Variants in STK35 observed in about 807,000 individuals in gnomAD.
STK35 encodes the protein serine/threonine kinase 35.
In STK35, 17 loss-of-function variants were observed where a neutral mutation model predicts 37.3. The observed-to-expected ratio is 0.46, with a 90% confidence interval of 0.31 to 0.68. The LOEUF is 0.68. STK35 is among the 30% of genes least tolerant of loss of function. The pLI is 0.05. For missense variants in STK35, 595 were observed against 746.7 expected (o/e 0.80, Z 2.37); for synonymous variants, 385 against 319.1 (o/e 1.21, Z -2.20).
chr20:2,136,168 G>A (rs566072313), intron 3 of STK35, among the ~76,000 whole-genome samples: 27 of 152,326 alleles, frequency 1.8e-4, no homozygotes, highest in East Asian at 5.8e-4. Flanking sequence ...ACCCCTCCAC[G>A]TGAAACAGAT....
chr20:2,140,880 A>G (rs1035215746), intron 3 of STK35, among the ~76,000 whole-genome samples: 1 of 152,148 alleles, frequency 6.6e-6, no homozygotes, highest in African/African-American at 2.4e-5. Flanking sequence ...TTATTATGTA[A>G]AAAGGAACCT....
chr20:2,111,554 C>T (rs921249902), intron 2 of STK35, among the ~76,000 whole-genome samples: 4 of 152,122 alleles, frequency 2.6e-5, no homozygotes, highest in East Asian at 3.9e-4. Context: ...AAAGAATAGC[C>T]GGGCGTGGTG....
chr20:2,103,002 GCGGCCGAGGCCC>G lies in STK35; in HGVS notation c.533_544del (p.Ala178_Pro181del), dbSNP rs755569593. 8.5e-6 allele frequency: 12 copies of G among 1,419,866 alleles called. No homozygotes were observed. In the Admixed American group the frequency reaches 9.9e-5, roughly 12 times the overall value. 88.0% of individuals were successfully genotyped at this position (1,419,866 alleles called of 1,614,324 possible). ...GGCGGCCCGGGCCATGGATCCGGTGGCGGCCGAGGCCCCGGGCGAGGCCTTCCTGGCGCGGCG... is the reference window on the plus strand; with the variant it reads ...GGCGGCCCGGGCCATGGATCCGGTGGCGGGCGAGGCCTTCCTGGCGCGGCG... On this transcript the variant is annotated inframe_deletion, in exon 2 of 4. Transcript: ENST00000381482.
chr20:2,120,939 T>A (rs549627382), intron 3 of STK35, among the ~76,000 whole-genome samples: 2 of 152,062 alleles, frequency 1.3e-5, no homozygotes, highest in African/African-American at 2.4e-5. Flanking sequence ...ATGGAAGATA[T>A]CAGAGTGGGT....
At chr20:2,139,980 G>GACTA (rs1188867868) in intron 3 of STK35, among the ~76,000 whole-genome samples, 3 of 152,232 alleles carry the variant, frequency 2.0e-5, no homozygotes, top group African/African-American at 7.2e-5. Context: ...ACTGATTGAA[G>GACTA]ACTATCATAG....
At chr20:2,111,999 A>G (rs1985628287) in intron 2 of STK35, among the ~76,000 whole-genome samples, 1 of 152,178 alleles carries the variant, frequency 6.6e-6, no homozygotes, top group African/African-American at 2.4e-5. Context: ...TCACAGCTGT[A>G]GTCATTCTGC....
intron 2 of STK35, among the ~76,000 whole-genome samples, chr20:2,108,260 A>G (rs1985553639): frequency 6.6e-6 from 1 of 152,180 alleles, no homozygotes; most frequent in Non-Finnish European, 1.5e-5. Context: ...TGTAATCCCA[A>G]CACTTTGGGA....
chr20:2,103,907 T>C (rs1488977197), intron 2 of STK35, among the ~76,000 whole-genome samples: 1 of 152,144 alleles, frequency 6.6e-6, no homozygotes, highest in East Asian at 1.9e-4. Flanking sequence ...CGGCCCTTCA[T>C]CCCAGGCAGC....
chr20:2,120,219 A>T (rs1202084823), intron 3 of STK35, among the ~76,000 whole-genome samples: 2 of 152,220 alleles, frequency 1.3e-5, no homozygotes, highest in African/African-American at 4.8e-5. Context: ...GGTTGTCATA[A>T]CTAATTGAGA....
At chr20:2,132,585 A>G (rs1986018882) in intron 3 of STK35, among the ~76,000 whole-genome samples, 1 of 152,190 alleles carries the variant, frequency 6.6e-6, no homozygotes, top group South Asian at 2.1e-4. Flanking sequence ...ATGAGGGGAG[A>G]ACTGTCAGTC....
At chr20:2,106,224 A>G (rs753242659) in intron 2 of STK35, among the ~76,000 whole-genome samples, 3 of 152,166 alleles carry the variant, frequency 2.0e-5, no homozygotes, top group Non-Finnish European at 4.4e-5. Flanking sequence ...ACAGCATGCA[A>G]ATACCACCCA....
At chr20:2,113,576 T>G (rs1985660003) in intron 2 of STK35, among the ~76,000 whole-genome samples, 1 of 152,200 alleles carries the variant, frequency 6.6e-6, no homozygotes, top group Admixed American at 6.5e-5. Flanking sequence ...CTAAGAAGTG[T>G]GATGTCTTAG....
chr20:2,119,938 T>C (rs973982552), intron 3 of STK35, among the ~76,000 whole-genome samples: 2 of 152,244 alleles, frequency 1.3e-5, no homozygotes, highest in Non-Finnish European at 2.9e-5. Flanking sequence ...TTTAATTCTT[T>C]CATTCTACAA....
chr20:2,116,960 AAG>A lies in STK35; in HGVS notation c.1190_1191del (p.Glu397GlyfsTer12). On this transcript the variant is annotated frameshift_variant, in exon 3 of 4. Coordinates refer to ENST00000381482, the MANE Select transcript of STK35 (RefSeq NM_080836.4). LOFTEE classifies it high-confidence loss of function. Reference sequence around the variant, plus strand: ...TGTGCTGGGCTGGCACCCCGAGGCAAAGAGGGCAATCAAGACAACAAAAATGT... The same window carrying A: ...TGTGCTGGGCTGGCACCCCGAGGCAAAGGGCAATCAAGACAACAAAAATGT... The A allele has an allele frequency of 6.2e-7, 1 of 1,614,168 alleles. No homozygotes were observed. The highest frequency in any genetic ancestry group is 8.5e-7 in the Non-Finnish European group (1 of 1,180,026).
chr20:2,113,034 C>T (rs1451268460), intron 2 of STK35, among the ~76,000 whole-genome samples: 1 of 152,184 alleles, frequency 6.6e-6, no homozygotes, highest in Admixed American at 6.5e-5. Flanking sequence ...TGAGCTGAAA[C>T]TCCATGGATC....
chr20:2,134,400 C>G (rs560589908), intron 3 of STK35, among the ~76,000 whole-genome samples: 3 of 152,190 alleles, frequency 2.0e-5, no homozygotes, highest in Admixed American at 2.0e-4. Flanking sequence ...CACTCTTTGG[C>G]CTGATTTCCC....
intron 2 of STK35, among the ~76,000 whole-genome samples, chr20:2,115,895 G>GC (rs373962357): frequency 4.5e-4 from 68 of 150,616 alleles, no homozygotes; most frequent in African/African-American, 1.3e-3. Flanking sequence ...GGCCACTCCT[G>GC]CCCCCCCCTT....
At position 2,148,509 on chromosome 20, in the gene STK35, A is replaced by C. The variant is rs1986312997; in HGVS notation, c.*4763A>C. 6.6e-6 allele frequency: 1 copy of C among 152,668 alleles called. No individual in the cohort carries two copies. Among genetic ancestry groups the C allele is most frequent in the Admixed American group, 6.5e-5 (1 of 15,280 alleles). The allele number at this position is 152,668 out of a possible 1,614,324, so 9.5% of individuals were successfully genotyped here. On this transcript the variant is annotated 3_prime_UTR_variant, in exon 4 of 4. Transcript: ENST00000381482. The stretch of plus-strand genomic sequence containing the variant: ...TGTAAATTAAGGGACGTTTGTGTGA[A>C]TAAAGTTATTTGATGGGGTCAAAGA...
rs549079826 is a variant in STK35, at chr20:2,115,482, G to T, written c.893-1184G>T. 7.9e-5 allele frequency among the ~76,000 whole-genome samples: 12 copies of T among 152,194 alleles called. No homozygotes were observed. The East Asian group carries it at 2.3e-3, about 29-fold the overall frequency. ...ATGACCTTGTGACCACCCAGAACAAGCCAGCACATTTGCAGGCCCAGCCTC... is the reference window on the plus strand; with the variant it reads ...ATGACCTTGTGACCACCCAGAACAATCCAGCACATTTGCAGGCCCAGCCTC... On this transcript the variant is annotated intron_variant, in intron 2 of 3. Coordinates refer to ENST00000381482, the MANE Select transcript of STK35 (RefSeq NM_080836.4).
Sources: allele counts gnomAD v4.1 joint callset (sites outside exome capture counted in the v4.1 genomes callset), GRCh38; gene constraint gnomAD v4.1.1; transcripts MANE v1.5; gene names NCBI Gene and HGNC (gene_info 2026-07-23, HGNC 2026-07-21).